Variants in TBC1D12 observed in about 807,000 individuals in gnomAD.
TBC1D12 encodes the protein TBC1 domain family, member 12.
In TBC1D12, 56 loss-of-function variants were observed where a neutral mutation model predicts 86.7. That is an observed-to-expected ratio of 0.65 (90% confidence interval 0.52 to 0.81). TBC1D12 has a LOEUF of 0.81. Ranked by LOEUF, TBC1D12 falls within the 30% of genes least tolerant of loss-of-function variation. The pLI, the probability that TBC1D12 is intolerant of heterozygous loss-of-function variation, is 0.00. For missense variants in TBC1D12, 1,023 were observed against 1,038.8 expected (o/e 0.98, Z 0.21); for synonymous variants, 421 against 411.7 (o/e 1.02, Z -0.27).
intron 2 of TBC1D12, among the ~76,000 whole-genome samples, chr10:94,467,291 G>T (rs1252427042): frequency 1.3e-5 from 2 of 152,050 alleles, no homozygotes; most frequent in East Asian, 1.9e-4. Flanking sequence ...GGAGTGCGGT[G>T]GCGCTATCTC....
At chr10:94,425,832 C>T (rs986556994) in intron 1 of TBC1D12, among the ~76,000 whole-genome samples, 1 of 152,008 alleles carries the variant, frequency 6.6e-6, no homozygotes, top group South Asian at 2.1e-4. Flanking sequence ...TTATTTGGGT[C>T]ATTTTTTATT....
intron 7 of TBC1D12, chr10:94,509,867 A>G: frequency 2.2e-6 from 1 of 445,646 alleles, no homozygotes. Flanking sequence ...TAAAAACTGG[A>G]ATTAGAAATC....
intron 11 of TBC1D12, among the ~76,000 whole-genome samples, chr10:94,524,975 G>T (rs934695298): frequency 6.6e-6 from 1 of 151,994 alleles, no homozygotes; most frequent in Admixed American, 6.6e-5. Flanking sequence ...ACAGGTATGC[G>T]TCACCATGCC....
intron 6 of TBC1D12, among the ~76,000 whole-genome samples, chr10:94,506,038 G>GA (rs1354424877): frequency 6.2e-5 from 7 of 113,796 alleles, no homozygotes; most frequent in African/African-American, 2.0e-4. Context: ...TGTACTTTTT[G>GA]AAATTTTTTT....
chr10:94,464,494 C>G (rs769545771), intron 2 of TBC1D12, among the ~76,000 whole-genome samples: 1 of 152,166 alleles, frequency 6.6e-6, no homozygotes, highest in Non-Finnish European at 1.5e-5. Flanking sequence ...GAGACAAAGT[C>G]TGGCTCTATT....
chr10:94,426,389 T>C (rs2055146988), intron 1 of TBC1D12, among the ~76,000 whole-genome samples: 1 of 152,164 alleles, frequency 6.6e-6, no homozygotes, highest in Admixed American at 6.5e-5. Context: ...GGATTTTTTA[T>C]TTTATTAGTA....
intron 9 of TBC1D12, among the ~76,000 whole-genome samples, chr10:94,515,700 A>G (rs994314414): frequency 1.3e-4 from 20 of 152,244 alleles, no homozygotes; most frequent in African/African-American, 4.8e-4. Flanking sequence ...AGAATCCTAT[A>G]TATACTATGT....
intron 6 of TBC1D12, among the ~76,000 whole-genome samples, 191 bp downstream of exon 6, chr10:94,500,518 T>C (rs1439700786): frequency 6.6e-6 from 1 of 152,226 alleles, no homozygotes; most frequent in African/African-American, 2.4e-5. Flanking sequence ...TATTACATTT[T>C]ATATAAAGAT....
At chr10:94,459,465 G>A (rs947194389) in intron 2 of TBC1D12, among the ~76,000 whole-genome samples, 1 of 152,260 alleles carries the variant, frequency 6.6e-6, no homozygotes, top group African/African-American at 2.4e-5. Flanking sequence ...TGCGGGTGGA[G>A]CTGCCCGCCA....
At chr10:94,464,176 G>C (rs186014061) in intron 2 of TBC1D12, among the ~76,000 whole-genome samples, 1 of 151,574 alleles carries the variant, frequency 6.6e-6, no homozygotes, top group Non-Finnish European at 1.5e-5. Context: ...CATATAGTTG[G>C]GTCTTGCTTT....
intron 1 of TBC1D12, among the ~76,000 whole-genome samples, chr10:94,434,035 A>C (rs2134080062): frequency 6.6e-6 from 1 of 152,284 alleles, no homozygotes; most frequent in African/African-American, 2.4e-5. Flanking sequence ...TAACTACCTC[A>C]GTATGATTGA....
chr10:94,424,443 G>A (rs1348245997), intron 1 of TBC1D12, among the ~76,000 whole-genome samples: 1 of 152,100 alleles, frequency 6.6e-6, no homozygotes, highest in South Asian at 2.1e-4. Flanking sequence ...CCTCTCTCCT[G>A]TGTTTGTCTA....
At chr10:94,492,460 C>G (rs975557587) in intron 3 of TBC1D12, among the ~76,000 whole-genome samples, 2 of 152,138 alleles carry the variant, frequency 1.3e-5, no homozygotes, top group Admixed American at 6.5e-5. Flanking sequence ...AATGTCTACA[C>G]AAAAACTTGA....
At chr10:94,514,569 C>G (rs1446490186) in intron 9 of TBC1D12, among the ~76,000 whole-genome samples, 1 of 152,156 alleles carries the variant, frequency 6.6e-6, no homozygotes, top group Non-Finnish European at 1.5e-5. Context: ...TTCTCCAGTT[C>G]CATCCATGTT....
At position 94,534,495 on chromosome 10, in the gene TBC1D12, G is replaced by A. The variant is rs569622360; in HGVS notation, c.*1399G>A. On this transcript the variant is annotated 3_prime_UTR_variant, in exon 13 of 13. Transcript: ENST00000225235. ...TGCCCATGGAGGTGAAATACTTTGA[G>A]GAATGGGAACATCTCTTCACTGTGT... 1 of 152,208 alleles carries A rather than the reference G, an allele frequency of 6.6e-6. No individual in the cohort carries two copies. The highest frequency in any genetic ancestry group is 2.4e-5 in the African/African-American group (1 of 41,518). 9.4% of individuals were successfully genotyped at this position (152,208 alleles called of 1,614,324 possible).
At chr10:94,527,500 G>T (rs11188006) in intron 11 of TBC1D12, among the ~76,000 whole-genome samples, 17,856 of 148,498 alleles carry the variant, frequency 0.12, 1,335 homozygotes, top group Non-Finnish European at 0.16. Flanking sequence ...ATTCTGTGGG[G>T]TTTTTTTTTT....
At chr10:94,431,800 C>A (rs1267204798) in intron 1 of TBC1D12, among the ~76,000 whole-genome samples, 1 of 152,162 alleles carries the variant, frequency 6.6e-6, no homozygotes, top group Non-Finnish European at 1.5e-5. Flanking sequence ...GAGAGCAGAA[C>A]AGACTATCTT....
intron 1 of TBC1D12, among the ~76,000 whole-genome samples, chr10:94,422,780 C>G (rs890199972): frequency 2.0e-5 from 3 of 151,962 alleles, no homozygotes; most frequent in African/African-American, 7.3e-5. Flanking sequence ...GTATGTTGTC[C>G]TGGCTGGTTT....
At chr10:94,504,304 T>C (rs2056435011) in intron 6 of TBC1D12, among the ~76,000 whole-genome samples, 1 of 152,210 alleles carries the variant, frequency 6.6e-6, no homozygotes, top group Admixed American at 6.5e-5. Flanking sequence ...GTTAAATTGG[T>C]GTTAACGTTT....
Sources: gnomAD v4.1 joint callset for allele counts (sites outside exome capture counted in the v4.1 genomes callset) on GRCh38, gnomAD v4.1.1 for gene constraint, MANE v1.5 for transcripts, NCBI Gene and HGNC (gene_info 2026-07-23, HGNC 2026-07-21) for gene names.